Variants in DYRK1A observed in about 807,000 individuals in gnomAD.
The protein encoded by DYRK1A is dual specificity tyrosine phosphorylation regulated kinase 1A, also known as dual specificity tyrosine-phosphorylation-regulated kinase 1A.
A neutral mutation model predicts 79.7 loss-of-function variants in DYRK1A; 9 were observed. The ratio of observed to expected loss-of-function variants is 0.11; its 90% confidence interval spans 0.07 to 0.20. The LOEUF is 0.20. Among genes scored for constraint, DYRK1A ranks in the 10% least tolerant of loss-of-function variants. DYRK1A has a pLI of 1.00. For synonymous variants in DYRK1A, 349 were observed against 329.7 expected (o/e 1.06, Z -0.63); for missense variants, 622 against 956.0 (o/e 0.65, Z 4.61).
At chr21:37,379,362 C>T (rs538350287) in intron 1 of DYRK1A, among the ~76,000 whole-genome samples, 10 of 152,052 alleles carry the variant, frequency 6.6e-5, no homozygotes, top group Admixed American at 3.9e-4. Context: ...TCCAACAGAC[C>T]AAAGTGAGTA....
At chr21:37,496,058 T>C (rs1449330342) in intron 8 of DYRK1A, 60 bp from the exon 9 acceptor site, 2 of 1,518,974 alleles carry the variant, frequency 1.3e-6, no homozygotes, top group Non-Finnish European at 1.8e-6. Context: ...AATGACTTGA[T>C]GAGCAGGAGT....
intron 2 of DYRK1A, among the ~76,000 whole-genome samples, chr21:37,432,255 T>C (rs1258723949): frequency 6.6e-6 from 1 of 152,134 alleles, no homozygotes; most frequent in Non-Finnish European, 1.5e-5. Context: ...AGTTAGTTGA[T>C]TCAGAAGAGT....
intron 10 of DYRK1A, 89 bp from the exon 11 acceptor site, chr21:37,506,010 C>T (rs925107171): frequency 7.0e-7 from 1 of 1,437,090 alleles, no homozygotes; most frequent in East Asian, 2.4e-5. Flanking sequence ...TGAGTACTTT[C>T]AGTTTTAATG....
At chr21:37,509,855 G>A (rs757991768) in intron 11 of DYRK1A, among the ~76,000 whole-genome samples, 5 of 152,138 alleles carry the variant, frequency 3.3e-5, no homozygotes, top group African/African-American at 4.8e-5. Context: ...AGTCAGTCAC[G>A]GTCCAAAAAT....
At chr21:37,388,909 G>A (rs947458384) in intron 1 of DYRK1A, among the ~76,000 whole-genome samples, 1 of 151,492 alleles carries the variant, frequency 6.6e-6, no homozygotes, top group Non-Finnish European at 1.5e-5. Flanking sequence ...CTCCCAAAGT[G>A]CAGGGATTAC....
chr21:37,445,402 GAGCATTTACTGTGCCA>G (rs766888186), intron 2 of DYRK1A, among the ~76,000 whole-genome samples: 1 of 152,198 alleles, frequency 6.6e-6, no homozygotes, highest in African/African-American at 2.4e-5. Context: ...ACAAGTATTT[GAGCATTTACTGTGCCA>G]AGCATTTCAT....
chr21:37,488,733 G>A, intron 6 of DYRK1A: 1 of 985,372 alleles, frequency 1.0e-6, no homozygotes, highest in Non-Finnish European at 1.2e-6. Flanking sequence ...GACGAACATT[G>A]TGATCACAGA....
At position 37,524,707 on chromosome 21, in the gene DYRK1A, C is replaced by G. The variant is rs989604890; in HGVS notation, c.*12176C>G. The stretch of plus-strand genomic sequence containing the variant: ...TTATGCACACTGCTCCGCTATTGCT[C>G]TTTATTTGAGGAGCCAGTACCAAGT... On this transcript the variant is annotated 3_prime_UTR_variant, in exon 12 of 12. Coordinates refer to ENST00000647188, the MANE Select transcript of DYRK1A (RefSeq NM_001347721.2). 6.6e-6 allele frequency: 1 copy of G among 152,218 alleles called. No homozygotes were observed. Among genetic ancestry groups the G allele is most frequent in the Non-Finnish European group, 1.5e-5 (1 of 68,046 alleles). 9.4% of individuals were successfully genotyped at this position (152,218 alleles called of 1,614,324 possible).
chr21:37,446,858 G>A (rs2051289654), intron 2 of DYRK1A, among the ~76,000 whole-genome samples: 1 of 152,186 alleles, frequency 6.6e-6, no homozygotes, highest in Admixed American at 6.5e-5. Flanking sequence ...GGCGGTGGAA[G>A]CACACAGGTC....
Position 37,443,484 on chromosome 21 carries a change from A to G in DYRK1A, c.10+23100A>G, listed in dbSNP as rs2835745. Among the ~76,000 whole-genome samples, 1,385 of 152,144 alleles carry G rather than the reference A, an allele frequency of 9.1e-3. 19 individuals are homozygous for G. The highest frequency in any genetic ancestry group is 0.032 in the African/African-American group (1,329 of 41,492). On this transcript the variant is annotated intron_variant, in intron 2 of 11. Transcript: ENST00000647188. The stretch of plus-strand genomic sequence containing the variant: ...ATTTTCACTTTGTCGGGTGCCGAGT[A>G]TTTTTGTATTTCTTCTGTAAGTTTT...
chr21:37,373,065 A>G (rs1162585591), intron 1 of DYRK1A, among the ~76,000 whole-genome samples: 4 of 152,108 alleles, frequency 2.6e-5, no homozygotes, highest in Admixed American at 6.6e-5. Context: ...CCTGGCACAT[A>G]GGGGGTTTAG....
At chr21:37,398,517 T>C (rs1265575122) in intron 1 of DYRK1A, among the ~76,000 whole-genome samples, 1 of 152,164 alleles carries the variant, frequency 6.6e-6, no homozygotes, top group Non-Finnish European at 1.5e-5. Flanking sequence ...TTAAACAGAC[T>C]CAGAAAAAGT....
At chr21:37,420,906 A>G (rs2050458138) in intron 2 of DYRK1A, among the ~76,000 whole-genome samples, 1 of 151,656 alleles carries the variant, frequency 6.6e-6, no homozygotes, top group African/African-American at 2.4e-5. Context: ...TCCCCCTCTT[A>G]TCCTTTTGTC....
At chr21:37,436,532 T>G (rs1040530657) in intron 2 of DYRK1A, among the ~76,000 whole-genome samples, 3 of 152,206 alleles carry the variant, frequency 2.0e-5, no homozygotes, top group Admixed American at 6.5e-5. Flanking sequence ...CTCTTTTGCC[T>G]TCTTTTGTCC....
At chr21:37,490,521 G>A (rs1405793476) in intron 7 of DYRK1A, 60 bp downstream of exon 7, 4 of 1,468,426 alleles carry the variant, frequency 2.7e-6, no homozygotes, top group Non-Finnish European at 3.6e-6. Flanking sequence ...AGGTAGGACA[G>A]TGTAGGTATT....
At position 37,480,648 on chromosome 21, in the gene DYRK1A, C is replaced by T; in HGVS notation, c.311C>T (p.Ala104Val). 6.3e-7 allele frequency: 1 copy of T among 1,585,990 alleles called. No individual in the cohort carries two copies. Among genetic ancestry groups the T allele is most frequent in the Non-Finnish European group, 8.5e-7 (1 of 1,170,412 alleles). The change falls in exon 5 of 12, where the codon GCA (alanine) becomes GTA (valine). Residue 104 changes from alanine (A) to valine (V), a missense_variant. Physicochemically the swap from Ala to Val is moderately conservative, Grantham distance 64. Coordinates refer to ENST00000647188, the MANE Select transcript of DYRK1A (RefSeq NM_001347721.2). Reference sequence around the variant, plus strand: ...GTATTCTCATTTCAGGTTTACTATGCAAAAAAGAAGCGAAGACACCAACAG... The same window carrying T: ...GTATTCTCATTTCAGGTTTACTATGTAAAAAAGAAGCGAAGACACCAACAG... ...TYKHINEVYY[A>V]KKKRRHQQGQ...
intron 2 of DYRK1A, among the ~76,000 whole-genome samples, chr21:37,445,462 G>A (rs1216672030): frequency 6.6e-6 from 1 of 152,222 alleles, no homozygotes; most frequent in Non-Finnish European, 1.5e-5. Flanking sequence ...GACTAAGACA[G>A]AGTCCCTGCT....
chr21:37,513,027 A>C lies in DYRK1A; in HGVS notation c.*496A>C, dbSNP rs73400169. ...GAAATTTGGGTTTTTAAGTCCTCTA[A>C]ACACACTTGGGCACGGAAATGCAGT... On this transcript the variant is annotated 3_prime_UTR_variant, in exon 12 of 12. Coordinates refer to ENST00000647188, the MANE Select transcript of DYRK1A (RefSeq NM_001347721.2). The C allele has an allele frequency of 1.2e-5, 2 of 160,660 alleles. No individual in the cohort carries two copies. The highest frequency in any genetic ancestry group is 5.9e-5 in the Admixed American group (1 of 16,960). The allele number at this position is 160,660 out of a possible 1,614,324, so 10.0% of individuals were successfully genotyped here.
rs1262641818 is a variant in DYRK1A at position 37,480,772 on chromosome 21, G to A, written c.435G>A (p.Lys145=). The A allele has an allele frequency of 6.2e-7, 1 of 1,611,628 alleles. No homozygotes were observed. The highest frequency in any genetic ancestry group is 8.5e-7 in the Non-Finnish European group (1 of 1,179,048). Residue 145 remains lysine (K), a synonymous_variant, in exon 5 of 12, where the codon AAG becomes AAA. Transcript: ENST00000647188. ...NYDYIVKNGE[K]WMDRYEIDSL... ...ATTATATTGTAAAAAACGGAGAAAA[G>A]TGGATGGATCGTTACGAAATTGACT...
Sources: gnomAD v4.1 joint callset for allele counts (sites outside exome capture counted in the v4.1 genomes callset) on GRCh38, gnomAD v4.1.1 for gene constraint, MANE v1.5 for transcripts, NCBI Gene and HGNC (gene_info 2026-07-23, HGNC 2026-07-21) for gene names.